CDH18: variants seen among roughly 807,000 people sequenced by gnomAD.
CDH18 encodes the protein cadherin 18.
CDH18 carries 31 observed loss-of-function variants against 67.9 expected under a neutral mutation model. The ratio of observed to expected loss-of-function variants is 0.46; its 90% CI spans 0.34 to 0.62. CDH18 has a LOEUF of 0.62. Ranked by LOEUF, CDH18 falls within the 20% of genes least tolerant of loss-of-function variation. The pLI, the probability that CDH18 is intolerant of heterozygous loss-of-function variation, is 0.01. For missense variants in CDH18, 890 were observed against 975.5 expected (o/e 0.91, Z 1.17); for synonymous variants, 362 against 347.2 (o/e 1.04, Z -0.48).
chr5:20,325,113 T>C (rs1285541136), intron 1 of CDH18, among the ~76,000 whole-genome samples: 2 of 152,242 alleles, frequency 1.3e-5, no homozygotes, highest in Admixed American at 1.3e-4. Context: ...TTGTAAAGTT[T>C]CTAGTTCCCC....
chr5:19,873,889 C>T (rs1463195029), intron 2 of CDH18, among the ~76,000 whole-genome samples: 1 of 152,094 alleles, frequency 6.6e-6, no homozygotes, highest in Non-Finnish European at 1.5e-5. Context: ...CTCAGGGAAT[C>T]CGCCCACCTC....
chr5:19,989,713 C>T (rs187681436), upstream of CDH18, among the ~76,000 whole-genome samples: 10 of 152,230 alleles, frequency 6.6e-5, no homozygotes, highest in East Asian at 1.7e-3. Flanking sequence ...ATGTTTGAAT[C>T]GGCTAAAGTT....
At chr5:19,902,360 C>T (rs1012782596) in intron 2 of CDH18, among the ~76,000 whole-genome samples, 3 of 152,062 alleles carry the variant, frequency 2.0e-5, no homozygotes, top group Non-Finnish European at 2.9e-5. Context: ...CAGCTTTCAC[C>T]TTGGGTCTCT....
intron 1 of CDH18, among the ~76,000 whole-genome samples, chr5:20,283,563 C>T (rs530657722): frequency 6.6e-6 from 1 of 151,938 alleles, no homozygotes; most frequent in East Asian, 1.9e-4. Flanking sequence ...ATCATTTGAC[C>T]CTGTTTAAAT....
intron 9 of CDH18, 82 bp downstream of exon 9, chr5:19,543,787 T>G: frequency 1.1e-6 from 1 of 949,748 alleles, no homozygotes. Context: ...ATAAAGATTA[T>G]GAGAGCCCTG....
rs1276660774 is a variant in CDH18, at chr5:19,544,021, G to T, written c.1254-16C>A. On this transcript the variant is annotated splice_polypyrimidine_tract_variant and intron_variant, in intron 8 of 12. Coordinates refer to ENST00000382275, the MANE Select transcript of CDH18 (RefSeq NM_004934.5). ...GATGAAGTATCTAGAGAAAAAAAGA[G>T]AAGTTTTTACTTGATGTTATAATGA... The T allele has an allele frequency of 6.7e-7, 1 of 1,486,178 alleles. No individual in the cohort carries two copies. The highest frequency in any genetic ancestry group is 1.3e-5 in the South Asian group (1 of 76,398). The allele number at this position is 1,486,178 out of a possible 1,614,324, so 92.1% of individuals were successfully genotyped here.
At chr5:20,325,419 G>A (rs367600559) in intron 1 of CDH18, among the ~76,000 whole-genome samples, 33 of 152,180 alleles carry the variant, frequency 2.2e-4, no homozygotes, top group Non-Finnish European at 4.4e-4. Context: ...GGCTATACAC[G>A]TATCATGTCT....
chr5:20,380,210 C>G (rs1307877907), intron 1 of CDH18, among the ~76,000 whole-genome samples: 1 of 152,050 alleles, frequency 6.6e-6, no homozygotes, highest in African/African-American at 2.4e-5. Flanking sequence ...CATCTTTGAA[C>G]TTATTTGGCA....
chr5:19,675,513 G>A (rs1759364187), intron 5 of CDH18, among the ~76,000 whole-genome samples: 1 of 152,056 alleles, frequency 6.6e-6, no homozygotes, highest in Non-Finnish European at 1.5e-5. Flanking sequence ...AAAGAATTCA[G>A]CAATATTTTT....
At chr5:19,602,965 CA>C (rs59378168) in intron 6 of CDH18, among the ~76,000 whole-genome samples, 110,522 of 149,884 alleles carry the variant, frequency 0.74, 40,783 homozygotes, top group East Asian at 1. Flanking sequence ...AACTCCATCT[CA>C]AAAAAAAAAA....
At chr5:20,108,116 T>G (rs1747130290) in intron 2 of CDH18, among the ~76,000 whole-genome samples, 1 of 152,166 alleles carries the variant, frequency 6.6e-6, no homozygotes, top group Non-Finnish European at 1.5e-5. Flanking sequence ...AGTCTTGCTC[T>G]GTCGCTCAGG....
intron 6 of CDH18, among the ~76,000 whole-genome samples, chr5:19,603,951 C>A (rs1747595754): frequency 6.6e-6 from 1 of 151,768 alleles, no homozygotes; most frequent in Admixed American, 6.6e-5. Flanking sequence ...CATAATTTTT[C>A]ACAGCTTAGG....
chr5:20,567,510 T>A (rs1758582348), intron 1 of CDH18, among the ~76,000 whole-genome samples: 1 of 152,134 alleles, frequency 6.6e-6, no homozygotes, highest in African/African-American at 2.4e-5. Flanking sequence ...GAGGCTAGTT[T>A]TAGGAGTACT....
At position 19,933,082 on chromosome 5, in the gene CDH18, T is replaced by C. The variant is rs553323745; in HGVS notation, c.-257+47978A>G. On this transcript the variant is annotated intron_variant, in intron 2 of 12. Coordinates refer to ENST00000382275, the MANE Select transcript of CDH18 (RefSeq NM_004934.5). ...CAGGTCTTTATTCAATATCCTTCTC[T>C]ACTGGCTGGTACTTTTGTCCTTTGA... 3.3e-5 allele frequency among the ~76,000 whole-genome samples: 5 copies of C among 151,702 alleles called. 1 individual carries two copies. In the South Asian group the frequency reaches 1.0e-3, roughly 31 times the overall value.
chr5:20,386,524 A>T (rs1375403218), intron 1 of CDH18, among the ~76,000 whole-genome samples: 2 of 152,158 alleles, frequency 1.3e-5, no homozygotes, highest in Non-Finnish European at 2.9e-5. Context: ...ATATAATAAC[A>T]TTACTAATAT....
At chr5:20,375,711 A>C (rs961448844) in intron 1 of CDH18, among the ~76,000 whole-genome samples, 2 of 152,118 alleles carry the variant, frequency 1.3e-5, no homozygotes, top group Non-Finnish European at 1.5e-5. Context: ...CCTCTGCTGG[A>C]TACAAATTAA....
chr5:20,308,244 C>T (rs923269098), intron 1 of CDH18, among the ~76,000 whole-genome samples: 1 of 151,930 alleles, frequency 6.6e-6, no homozygotes, highest in African/African-American at 2.4e-5. Context: ...GATACTAACA[C>T]TTGATCGTAG....
In CDH18 at chr5:19,711,195, C is replaced by A. The variant is rs566738858; in HGVS notation, c.643+10152G>T. ...TAGACATTGGCTCAGGCAAATAATT[C>A]CTGATTAAAACCTCAAAAGGAAATG... On this transcript the variant is annotated intron_variant, in intron 5 of 12. Coordinates refer to ENST00000382275, the MANE Select transcript of CDH18 (RefSeq NM_004934.5). Among the ~76,000 whole-genome samples, 75 of 152,026 alleles carry A rather than the reference C, an allele frequency of 4.9e-4. No homozygotes were observed. The Middle Eastern group carries it at 0.027, about 55-fold the overall frequency.
chr5:19,499,802 C>A (rs1329405656), intron 11 of CDH18, among the ~76,000 whole-genome samples: 1 of 151,456 alleles, frequency 6.6e-6, no homozygotes, highest in Non-Finnish European at 1.5e-5. Flanking sequence ...GCATCTCTTT[C>A]TCTCTCTCTT....
Sources: allele counts gnomAD v4.1 joint callset (sites outside exome capture counted in the v4.1 genomes callset), GRCh38; gene constraint gnomAD v4.1.1; transcripts MANE v1.5; gene names NCBI Gene and HGNC (gene_info 2026-07-23, HGNC 2026-07-21).